Variants in UPF2 observed in about 807,000 individuals in gnomAD.
UPF2 encodes regulator of nonsense transcripts 2.
Under a neutral mutation model 141.4 loss-of-function variants are expected in UPF2, and 17 were observed. That is an observed-to-expected ratio of 0.12 (90% CI 0.08 to 0.18). The LOEUF is 0.18. Among genes scored for constraint, UPF2 ranks in the 10% least tolerant of loss-of-function variants. UPF2 has a pLI of 1.00. For synonymous variants in UPF2, 540 were observed against 498.0 expected (o/e 1.08, Z -1.12); for missense variants, 1,152 against 1,515.9 (o/e 0.76, Z 3.99).
intron 3 of UPF2, among the ~76,000 whole-genome samples, chr10:12,023,299 G>C (rs1258191794): frequency 6.6e-6 from 1 of 151,936 alleles, no homozygotes; most frequent in Non-Finnish European, 1.5e-5. Flanking sequence ...ATTCCAAATA[G>C]GCAAATACTA....
intron 3 of UPF2, among the ~76,000 whole-genome samples, chr10:12,024,452 A>G (rs1834373984): frequency 6.6e-6 from 1 of 151,960 alleles, no homozygotes; most frequent in Admixed American, 6.6e-5. Context: ...TCTACTAAAA[A>G]TACAAAAATT....
At chr10:11,947,075 A>C (rs1833010215) in intron 16 of UPF2, among the ~76,000 whole-genome samples, 1 of 152,108 alleles carries the variant, frequency 6.6e-6, no homozygotes, top group Non-Finnish European at 1.5e-5. Flanking sequence ...GGTGGCACAC[A>C]CCTAAAATCC....
intron 9 of UPF2, among the ~76,000 whole-genome samples, chr10:11,970,070 C>T (rs970072263): frequency 2.0e-5 from 3 of 152,266 alleles, no homozygotes; most frequent in East Asian, 1.9e-4. Context: ...GTTAGAATGT[C>T]TGTGCTCTTG....
intron 2 of UPF2, among the ~76,000 whole-genome samples, chr10:12,031,100 G>A (rs938946544): frequency 1.3e-5 from 2 of 151,610 alleles, no homozygotes; most frequent in Non-Finnish European, 2.9e-5. Flanking sequence ...CATGAACCCG[G>A]GAGGCGGAGC....
At chr10:12,032,698 A>C (rs1193141416) in intron 2 of UPF2, among the ~76,000 whole-genome samples, 1 of 151,284 alleles carries the variant, frequency 6.6e-6, no homozygotes, top group African/African-American at 2.4e-5. Flanking sequence ...AGACCAGGCC[A>C]CTGCACTCCA....
At chr10:11,934,839 T>A (rs143968784) in intron 19 of UPF2, among the ~76,000 whole-genome samples, 2 of 152,226 alleles carry the variant, frequency 1.3e-5, no homozygotes, top group African/African-American at 4.8e-5. Context: ...CCGCCCGCCT[T>A]GGCCTCCCAA....
chr10:11,996,668 A>C (rs1833869693), intron 8 of UPF2, among the ~76,000 whole-genome samples: 1 of 152,208 alleles, frequency 6.6e-6, no homozygotes, highest in South Asian at 2.1e-4. Context: ...TTACGTTATA[A>C]AAATATTCAT....
chr10:11,991,143 A>G (rs1372891631), intron 8 of UPF2, among the ~76,000 whole-genome samples: 2 of 152,192 alleles, frequency 1.3e-5, no homozygotes, highest in Non-Finnish European at 2.9e-5. Context: ...CAAATTCCTC[A>G]AAACCTACCA....
At chr10:11,990,509 T>C (rs928327663) in intron 8 of UPF2, among the ~76,000 whole-genome samples, 1 of 151,912 alleles carries the variant, frequency 6.6e-6, no homozygotes, top group Non-Finnish European at 1.5e-5. Context: ...TGAAACCCCA[T>C]CTCAACCAAA....
chr10:11,946,967 C>T (rs1337230325), intron 16 of UPF2, among the ~76,000 whole-genome samples: 1 of 152,228 alleles, frequency 6.6e-6, no homozygotes, highest in East Asian at 1.9e-4. Flanking sequence ...TTTGGAAGGC[C>T]AAGGTGGGGG....
chr10:11,948,386 T>C lies in UPF2; in HGVS notation c.3157A>G (p.Asn1053Asp). 1 of 1,594,166 alleles carries C rather than the reference T, an allele frequency of 6.3e-7. No individual in the cohort carries two copies. Among genetic ancestry groups the C allele is most frequent in the Non-Finnish European group, 8.6e-7 (1 of 1,168,410 alleles). ...EEQSGNESEVNEPEEEEGSDN... is the reference protein window; with the variant it reads ...EEQSGNESEVDEPEEEEGSDN... ...GTCATCACCTCTTCTTCTGGCTCATTTACTTCACTTTCATTTCCAGATTGT... is the reference window on the plus strand; with the variant it reads ...GTCATCACCTCTTCTTCTGGCTCATCTACTTCACTTTCATTTCCAGATTGT... Residue 1053 changes from asparagine to aspartate, a missense_variant, in exon 16 of 22, where the codon AAT becomes GAT. Coordinates refer to ENST00000357604, the MANE Select transcript of UPF2 (RefSeq NM_015542.4).
intron 18 of UPF2, among the ~76,000 whole-genome samples, chr10:11,938,874 T>TTG (rs1832899377): frequency 9.2e-6 from 1 of 109,024 alleles, no homozygotes; most frequent in Non-Finnish European, 1.9e-5. Flanking sequence ...TTTTTTTTTT[T>TTG]TTTTTTTTGG....
intron 12 of UPF2, among the ~76,000 whole-genome samples, chr10:11,957,811 C>T (rs1237376251): frequency 1.3e-5 from 2 of 152,150 alleles, no homozygotes; most frequent in Non-Finnish European, 1.5e-5. Flanking sequence ...GCCACTATGC[C>T]AGCTAATAAT....
Position 11,956,567 on chromosome 10 carries a change from A to G in UPF2, c.2371-44T>C. 6.4e-7 allele frequency: 1 copy of G among 1,571,390 alleles called. No homozygotes were observed. The highest frequency in any genetic ancestry group is 1.8e-5 in the Admixed American group (1 of 55,836). On this transcript the variant is annotated intron_variant, in intron 12 of 21. Coordinates refer to ENST00000357604, the MANE Select transcript of UPF2 (RefSeq NM_015542.4). This position sits in a 1 kb window ranked among gnomAD's most constrained non-coding sequence, Gnocchi z 4.2. ...GTTCAAATTATTAAGATAAGTACAC[A>G]GTAGCCTGACCAAATAATACAGAAA...
intron 18 of UPF2, among the ~76,000 whole-genome samples, chr10:11,938,842 G>GTTTTTTTTTTTTTTT (rs1204744093): frequency 3.5e-4 from 16 of 45,860 alleles, no homozygotes; most frequent in African/African-American, 5.6e-4. Flanking sequence ...TCTTAAGCAA[G>GTTTTTTTTTTTTTTT]TTTTTTTTTT....
Position 11,953,138 on chromosome 10 carries a change from A to T in UPF2, c.2851-889T>A, listed in dbSNP as rs1833099440. Among the ~76,000 whole-genome samples, 2 of 152,204 alleles carry T rather than the reference A, an allele frequency of 1.3e-5. No homozygotes were observed. The highest frequency in any genetic ancestry group is 4.1e-4 in the South Asian group (2 of 4,832). ...ATTTTATACTTGTTTTAATTCCTAA[A>T]TTTACATTAACTGAAAGCACAACCC... On this transcript the variant is annotated intron_variant, in intron 14 of 21. Coordinates refer to ENST00000357604, the MANE Select transcript of UPF2 (RefSeq NM_015542.4). The surrounding 1 kb of genome is among the most constrained non-coding windows in gnomAD (Gnocchi z 5.0).
At chr10:11,995,172 A>C (rs192149225) in intron 8 of UPF2, among the ~76,000 whole-genome samples, 3 of 152,252 alleles carry the variant, frequency 2.0e-5, no homozygotes, top group African/African-American at 7.2e-5. Flanking sequence ...TAAAGACTTA[A>C]AGGTGAGTCA....
chr10:11,969,438 G>A (rs1333282660), intron 9 of UPF2, among the ~76,000 whole-genome samples: 1 of 152,044 alleles, frequency 6.6e-6, no homozygotes, highest in East Asian at 1.9e-4. Context: ...AAAAGTGCTG[G>A]GATTATAAGG....
At position 11,920,889 on chromosome 10, in the gene UPF2, C is replaced by G. The variant is rs41291277; in HGVS notation, c.*409G>C. ...ACGTGGGATGTTCAATTCAGAGACA[C>G]TGAAACTCAAATCAAGTTTAAAGCT... On this transcript the variant is annotated 3_prime_UTR_variant, in exon 22 of 22. Transcript: ENST00000357604. 1 of 413,018 alleles carries G rather than the reference C, an allele frequency of 2.4e-6. No homozygotes were observed. Among genetic ancestry groups the G allele is most frequent in the Non-Finnish European group, 5.0e-6 (1 of 201,666 alleles). 25.6% of individuals were successfully genotyped at this position (413,018 alleles called of 1,614,324 possible).
Sources: gnomAD v4.1 joint callset for allele counts (sites outside exome capture counted in the v4.1 genomes callset) on GRCh38, gnomAD v4.1.1 for gene constraint, Gnocchi (gnomAD v3.1) non-coding constraint, MANE v1.5 for transcripts, NCBI Gene and HGNC (gene_info 2026-07-23, HGNC 2026-07-21) for gene names.